The following SLC24A4 variants were observed in gnomAD, a reference collection of about 807,000 sequenced individuals.
The protein encoded by SLC24A4 is solute carrier family 24 member 4, also known as sodium/potassium/calcium exchanger 4.
Under a neutral mutation model 79.0 loss-of-function variants are expected in SLC24A4, and 53 were observed. The observed-to-expected ratio is 0.67, with a 90% CI of 0.54 to 0.84. The LOEUF is 0.84. Among genes scored for constraint, SLC24A4 ranks in the 40% least tolerant of loss-of-function variants. The probability of loss-of-function intolerance (pLI) is 0.00; values close to 1 mark genes in which losing one functional copy is unlikely to be tolerated. For missense variants in SLC24A4, 731 were observed against 822.0 expected, an observed-to-expected ratio of 0.89 and a Z score of 1.35; for synonymous variants, 323 against 323.8, an observed-to-expected ratio of 1.00 and a Z score of 0.03.
At chr14:92,400,329 C>A (rs915161782) in intron 2 of SLC24A4, among the ~76,000 whole-genome samples, 1 of 151,346 alleles carries the variant, frequency 6.6e-6, no homozygotes, top group Non-Finnish European at 1.5e-5. Flanking sequence ...GTCCCAGCTA[C>A]TCGGGAGGCT....
chr14:92,343,729 G>A (rs1229299942), intron 2 of SLC24A4, among the ~76,000 whole-genome samples: 1 of 113,078 alleles, frequency 8.8e-6, no homozygotes, highest in Non-Finnish European at 1.9e-5. Context: ...TTGAGACAGA[G>A]TCTCACTCTG....
chr14:92,358,891 G>A (rs1465769721), intron 2 of SLC24A4, among the ~76,000 whole-genome samples: 1 of 151,724 alleles, frequency 6.6e-6, no homozygotes, highest in South Asian at 2.1e-4. Flanking sequence ...TCACCATGTT[G>A]GCCAGGCTGG....
At chr14:92,413,898 G>A (rs181403357) in intron 2 of SLC24A4, among the ~76,000 whole-genome samples, 1 of 152,328 alleles carries the variant, frequency 6.6e-6, no homozygotes, top group East Asian at 1.9e-4. Context: ...GACTGAATGA[G>A]ACTTTAAGGA....
At chr14:92,449,367 T>A in intron 10 of SLC24A4, 151 bp downstream of exon 10, 1 of 1,110,464 alleles carries the variant, frequency 9.0e-7, no homozygotes, top group Non-Finnish European at 1.3e-6. Flanking sequence ...CTCTTACCTT[T>A]GACCACAGGT....
chr14:92,454,096 G>A (rs748760768), intron 11 of SLC24A4, 27 bp downstream of exon 11: 4 of 1,605,916 alleles, frequency 2.5e-6, no homozygotes, highest in South Asian at 2.2e-5. Flanking sequence ...GACCATAAAA[G>A]TGAGCAGCCT....
At chr14:92,404,124 C>G (rs1339862059) in intron 2 of SLC24A4, among the ~76,000 whole-genome samples, 1 of 152,160 alleles carries the variant, frequency 6.6e-6, no homozygotes, top group Non-Finnish European at 1.5e-5. Flanking sequence ...AACCTCACCT[C>G]CCTGCTGCTA....
intron 2 of SLC24A4, among the ~76,000 whole-genome samples, chr14:92,395,183 C>CT (rs1475232550): frequency 1.3e-5 from 2 of 152,172 alleles, no homozygotes; most frequent in Non-Finnish European, 2.9e-5. Context: ...ATCCTTTTGC[C>CT]TGACTTTTAC....
Position 92,493,017 on chromosome 14 carries a change from C to CACAG in SLC24A4, c.1717-458_1717-457insCAGA, listed in dbSNP as rs1347742588. 143 of 281,514 alleles carry CACAG rather than the reference C, an allele frequency of 5.1e-4. 4 individuals carry two copies. Among genetic ancestry groups the CACAG allele is most frequent in the Non-Finnish European group, 7.7e-4 (111 of 143,914 alleles). The allele number at this position is 281,514 out of a possible 1,614,324, so 17.4% of individuals were successfully genotyped here. ...ACACACACACACACACACACACACA[C>CACAG]AGAGAAAGATTTGCCCAGCCAGGGG... is the stretch of plus-strand genomic sequence containing the variant. On this transcript the variant is annotated intron_variant, in intron 16 of 16. Coordinates refer to ENST00000532405, the MANE Select transcript of SLC24A4 (RefSeq NM_153646.4).
At chr14:92,434,175 T>A (rs2070018998) in intron 3 of SLC24A4, among the ~76,000 whole-genome samples, 187 bp downstream of exon 3, 2 of 152,186 alleles carry the variant, frequency 1.3e-5, no homozygotes, top group African/African-American at 4.8e-5. Flanking sequence ...TTACCCAGTG[T>A]CACACAGCTA....
Position 92,449,293 on chromosome 14 carries a change from C to T in SLC24A4, c.880+77C>T, listed in dbSNP as rs900947409. 10 of 738,486 alleles carry T rather than the reference C, an allele frequency of 1.4e-5. No homozygotes were observed. In the East Asian group the frequency reaches 2.6e-4, roughly 19 times the overall value. 45.7% of individuals were successfully genotyped at this position (738,486 alleles called of 1,614,324 possible). A position where few individuals can be genotyped will look rare whatever the true frequency, so the allele number is the denominator to read the frequency against. ...CTCCTCTTTTGTGTACACACACACACACACACACACACACACACACACACA... is the reference window on the plus strand; with the variant it reads ...CTCCTCTTTTGTGTACACACACACATACACACACACACACACACACACACA... On this transcript the variant is annotated intron_variant, in intron 10 of 16. Transcript: ENST00000532405.
At chr14:92,456,751 C>T (rs1441054631) in intron 12 of SLC24A4, 143 bp downstream of exon 12, 2 of 846,430 alleles carry the variant, frequency 2.4e-6, no homozygotes, top group Non-Finnish European at 3.7e-6. Context: ...CACTGGAATG[C>T]TTAGGAGGCG....
At chr14:92,327,921 C>T (rs1885241870) in intron 2 of SLC24A4, among the ~76,000 whole-genome samples, 1 of 152,198 alleles carries the variant, frequency 6.6e-6, no homozygotes, top group Admixed American at 6.5e-5. Flanking sequence ...AGAATACAGC[C>T]TGGCCCATAG....
At chr14:92,478,885 T>C (rs1467118754) in intron 12 of SLC24A4, among the ~76,000 whole-genome samples, 1 of 152,194 alleles carries the variant, frequency 6.6e-6, no homozygotes, top group Non-Finnish European at 1.5e-5. Context: ...CCAATGATGT[T>C]TGGTAGTTTT....
rs17128265 is a variant in SLC24A4 at position 92,372,797 on chromosome 14, G to A, written c.241+46819G>A. 4.6e-3 allele frequency among the ~76,000 whole-genome samples: 701 copies of A among 151,936 alleles called. 6 individuals carry two copies. Among genetic ancestry groups the A allele is most frequent in the African/African-American group, 0.015 (639 of 41,444 alleles). On this transcript the variant is annotated intron_variant, in intron 2 of 16. Coordinates refer to ENST00000532405, the MANE Select transcript of SLC24A4 (RefSeq NM_153646.4). ...ATGTTGACCTCCAGGTTTTGAAGAC[G>A]TGGGTAGGACATTGTACATCACATT...
At chr14:92,456,368 A>G (rs773082141) in intron 11 of SLC24A4, 36 bp from the exon 12 acceptor site, 1 of 1,610,284 alleles carries the variant, frequency 6.2e-7, no homozygotes, top group Non-Finnish European at 8.5e-7. Context: ...GCTTTATCAC[A>G]TGCCTTGGTG....
At chr14:92,485,910 G>A (rs1895328235) in intron 13 of SLC24A4, among the ~76,000 whole-genome samples, 1 of 152,192 alleles carries the variant, frequency 6.6e-6, no homozygotes, top group African/African-American at 2.4e-5. Flanking sequence ...TTACCTATGG[G>A]TTTGAACTTC....
chr14:92,399,001 C>A (rs146398354), intron 2 of SLC24A4, among the ~76,000 whole-genome samples: 1 of 152,124 alleles, frequency 6.6e-6, no homozygotes, highest in Admixed American at 6.5e-5. Flanking sequence ...GGGATTCTAG[C>A]GAGATTTAGG....
intron 2 of SLC24A4, among the ~76,000 whole-genome samples, chr14:92,387,006 T>G (rs991440133): frequency 6.6e-6 from 1 of 152,062 alleles, no homozygotes; most frequent in Non-Finnish European, 1.5e-5. Flanking sequence ...CCCTCACCCC[T>G]TGTAGCTCTG....
At chr14:92,415,157 G>T (rs576605310) in intron 2 of SLC24A4, among the ~76,000 whole-genome samples, 1 of 152,304 alleles carries the variant, frequency 6.6e-6, no homozygotes, top group East Asian at 1.9e-4. Context: ...CCTGTGGAAG[G>T]GCTGGACTTG....
Sources: allele counts gnomAD v4.1 joint callset (sites outside exome capture counted in the v4.1 genomes callset), GRCh38; gene constraint gnomAD v4.1.1; transcripts MANE v1.5; gene names NCBI Gene and HGNC (gene_info 2026-07-23, HGNC 2026-07-21).